Variants in PSMD3 observed in about 807,000 individuals in gnomAD.
The protein encoded by PSMD3 is 26S proteasome non-ATPase regulatory subunit 3.
Under a neutral mutation model 62.8 loss-of-function variants are expected in PSMD3, and 5 were observed. The ratio of observed to expected loss-of-function variants is 0.08; its 90% CI spans 0.04 to 0.17. The LOEUF (loss-of-function observed/expected upper bound fraction) is 0.17. PSMD3 is among the 10% of genes least tolerant of loss of function. PSMD3 has a pLI of 1.00. For synonymous variants in PSMD3, 265 were observed against 283.9 expected (o/e 0.93, Z 0.67); for missense variants, 524 against 713.6 (o/e 0.73, Z 3.03).
Position 39,995,185 on chromosome 17 carries a change from C to T in PSMD3, c.1106C>T (p.Thr369Ile). ...CCTGTTCTGCCTGCAGCTGTCAGGA[C>T]AGGAAACCTAGCCAAGTTCAACCAG... Reference protein sequence around the residue: ...PYFLLTQAVRTGNLAKFNQVL... With the variant: ...PYFLLTQAVRIGNLAKFNQVL... Residue 369 changes from threonine to isoleucine, a missense_variant, in exon 8 of 12, where the codon ACA becomes ATA. By Grantham distance (89) the Thr-to-Ile change is moderately conservative. This residue lies in a region of PSMD3 where 32 missense variants were observed against 85.4 expected (regional missense o/e 0.37). Coordinates refer to ENST00000264639, the MANE Select transcript of PSMD3 (RefSeq NM_002809.4). The surrounding 1 kb of genome is among the most constrained non-coding windows in gnomAD (Gnocchi z 4.1). 1 of 1,614,126 alleles carries T rather than the reference C, an allele frequency of 6.2e-7. No homozygotes were observed. Among genetic ancestry groups the T allele is most frequent in the Non-Finnish European group, 8.5e-7 (1 of 1,180,006 alleles).
At position 39,995,718 on chromosome 17, in the gene PSMD3, TGA is replaced by T; in HGVS notation, c.1320+193_1320+194del. ...GAGCATGGATGTGCATGTGAGTGTG[TGA>T]GTGTAGGTGTGTGCACATGTTGAGT... is the stretch of plus-strand genomic sequence containing the variant. On this transcript the variant is annotated intron_variant, in intron 9 of 11. Transcript: ENST00000264639. This position sits in a 1 kb window ranked among gnomAD's most constrained non-coding sequence, Gnocchi z 4.1. The T allele has an allele frequency of 3.2e-6, 2 of 617,740 alleles. No individual in the cohort carries two copies. The highest frequency in any genetic ancestry group is 2.6e-5 in the Admixed American group (1 of 38,308). 38.3% of individuals were successfully genotyped at this position (617,740 alleles called of 1,614,324 possible).
At chr17:39,993,053 A>T (rs1446524551) in intron 6 of PSMD3, 1 of 152,162 alleles carries the variant, frequency 6.6e-6, no homozygotes, top group African/African-American at 2.4e-5. Flanking sequence ...CGGCTTAAAC[A>T]ACCGAAATTG....
chr17:39,980,855 G>A lies in PSMD3; in HGVS notation c.-116G>A. On this transcript the variant is annotated 5_prime_UTR_variant, in exon 1 of 12. Transcript: ENST00000264639. ...GTTTGCAGCTGCTCCGTCATCGTGC[G>A]GCCCGACGCTATCTCGCGCTCGTGT... 1 of 940,988 alleles carries A rather than the reference G, an allele frequency of 1.1e-6. No individual in the cohort carries two copies. The highest frequency in any genetic ancestry group is 1.5e-6 in the Non-Finnish European group (1 of 664,000). The allele number at this position is 940,988 out of a possible 1,614,324, so 58.3% of individuals were successfully genotyped here. A position where few individuals can be genotyped will look rare whatever the true frequency, so the allele number is the denominator to read the frequency against.
chr17:39,987,793 G>C (rs1416387507), intron 3 of PSMD3, among the ~76,000 whole-genome samples: 1 of 152,092 alleles, frequency 6.6e-6, no homozygotes, highest in Non-Finnish European at 1.5e-5. Context: ...GTTTGTTTTT[G>C]AGATATAATT....
chr17:39,983,804 T>C (rs1023499038), intron 1 of PSMD3, among the ~76,000 whole-genome samples: 4 of 152,166 alleles, frequency 2.6e-5, no homozygotes, highest in African/African-American at 7.2e-5. Flanking sequence ...TGCCACTTGG[T>C]TATGTCTTAA....
chr17:39,986,106 G>GT (rs944489636), intron 2 of PSMD3, among the ~76,000 whole-genome samples: 2 of 151,976 alleles, frequency 1.3e-5, no homozygotes, highest in East Asian at 3.9e-4. Flanking sequence ...GACTTGTTTT[G>GT]TTTTTTTGAG....
intron 6 of PSMD3, 174 bp from the exon 7 acceptor site, chr17:39,994,780 A>G: frequency 1.6e-6 from 1 of 616,350 alleles, no homozygotes; most frequent in Non-Finnish European, 2.8e-6. Flanking sequence ...CCAAAGGCAG[A>G]GCTTGGATTC....
chr17:39,980,870 C>A lies in PSMD3; in HGVS notation c.-101C>A. 2.8e-6 allele frequency: 3 copies of A among 1,075,842 alleles called. No homozygotes were observed. The highest frequency in any genetic ancestry group is 3.8e-6 in the Non-Finnish European group (3 of 781,822). 66.6% of individuals were successfully genotyped at this position (1,075,842 alleles called of 1,614,324 possible). On this transcript the variant is annotated 5_prime_UTR_variant, in exon 1 of 12. Coordinates refer to ENST00000264639, the MANE Select transcript of PSMD3 (RefSeq NM_002809.4). ...GTCATCGTGCGGCCCGACGCTATCT[C>A]GCGCTCGTGTGCAGGCCCGGCTCGG...
rs1980753841 is a variant in PSMD3, at chr17:39,995,193, C to T, written c.1114C>T (p.Leu372=). The T allele has an allele frequency of 6.2e-7, 1 of 1,614,014 alleles. No homozygotes were observed. The highest frequency in any genetic ancestry group is 1.7e-5 in the Admixed American group (1 of 59,998). ...GCCTGCAGCTGTCAGGACAGGAAAC[C>T]TAGCCAAGTTCAACCAGGTCCTGGA... ...LLTQAVRTGN[L]AKFNQVLDQF... Residue 372 remains leucine (L), a synonymous_variant, in exon 8 of 12, where the codon CTA becomes TTA. Coordinates refer to ENST00000264639, the MANE Select transcript of PSMD3 (RefSeq NM_002809.4). The surrounding 1 kb of genome is among the most constrained non-coding windows in gnomAD (Gnocchi z 4.1).
chr17:39,997,127 G>A (rs765584098), intron 10 of PSMD3, among the ~76,000 whole-genome samples: 8 of 152,252 alleles, frequency 5.3e-5, no homozygotes, highest in African/African-American at 9.6e-5. Context: ...AGAGTTGGTC[G>A]TTTATTCCTC....
In PSMD3 at chr17:39,980,887, C is replaced by CCGGCT. The variant is rs1426404384; in HGVS notation, c.-77_-73dup. 3.7e-5 allele frequency: 47 copies of CCGGCT among 1,254,724 alleles called. No individual in the cohort carries two copies. The highest frequency in any genetic ancestry group is 4.5e-5 in the Non-Finnish European group (42 of 938,836). The allele number at this position is 1,254,724 out of a possible 1,614,324, so 77.7% of individuals were successfully genotyped here. A position where few individuals can be genotyped will look rare whatever the true frequency, so the allele number is the denominator to read the frequency against. On this transcript the variant is annotated 5_prime_UTR_variant, in exon 1 of 12. Coordinates refer to ENST00000264639, the MANE Select transcript of PSMD3 (RefSeq NM_002809.4). ...CGCTATCTCGCGCTCGTGTGCAGGC[C>CCGGCT]CGGCTCGGCTCCTGGTCCCCGGTGC... is the stretch of plus-strand genomic sequence containing the variant.
rs118093481 is a variant in PSMD3 at position 39,992,767 on chromosome 17, C to G, written c.982-2187C>G. Among the ~76,000 whole-genome samples, 7 of 131,212 alleles carry G rather than the reference C, an allele frequency of 5.3e-5. No homozygotes were observed. The East Asian group carries it at 1.7e-3, about 33-fold the overall frequency. The allele number at this position is 131,212 out of a possible 152,430, so 86.1% of individuals were successfully genotyped here. On this transcript the variant is annotated intron_variant, in intron 6 of 11. Transcript: ENST00000264639. ...AAAACCCCCAGCCCTGCTGCTTCCT[C>G]TCTCAGGCGGCCGTTCCTGTCTCCC...
Position 39,997,702 on chromosome 17 carries a change from G to T in PSMD3, c.*121G>T. 1.7e-6 allele frequency: 2 copies of T among 1,207,932 alleles called. No homozygotes were observed. Among genetic ancestry groups the T allele is most frequent in the Non-Finnish European group, 1.2e-6 (1 of 852,350 alleles). The allele number at this position is 1,207,932 out of a possible 1,614,324, so 74.8% of individuals were successfully genotyped here. A position where few individuals can be genotyped will look rare whatever the true frequency, so the allele number is the denominator to read the frequency against. On this transcript the variant is annotated 3_prime_UTR_variant, in exon 12 of 12. Coordinates refer to ENST00000264639, the MANE Select transcript of PSMD3 (RefSeq NM_002809.4). Reference sequence around the variant, plus strand: ...AGCTCATATGCTGCATTCGTGCAGGGGGTGGGGGTGCTGGGAGCCAGCCAC... The same window carrying T: ...AGCTCATATGCTGCATTCGTGCAGGTGGTGGGGGTGCTGGGAGCCAGCCAC...
At chr17:39,988,133 A>G (rs1164465050) in intron 3 of PSMD3, among the ~76,000 whole-genome samples, 1 of 152,144 alleles carries the variant, frequency 6.6e-6, no homozygotes, top group Non-Finnish European at 1.5e-5. Flanking sequence ...ACTACAATTG[A>G]GTGGGTTTTA....
chr17:39,984,251 T>A, intron 1 of PSMD3, 43 bp from the exon 2 acceptor site: 9 of 1,356,474 alleles, frequency 6.6e-6, no homozygotes, highest in Non-Finnish European at 7.2e-6. Flanking sequence ...GGTGGGGGAC[T>A]AGGAGTGAAA....
rs1330999030 is a variant in PSMD3, at chr17:39,995,613, G to A, written c.1320+86G>A. ...CAGGAGTGGGAGGAGTTTGGCCAAG[G>A]AGGGGAATAGGTAAAGCAATGGCAT... is the stretch of plus-strand genomic sequence containing the variant. On this transcript the variant is annotated intron_variant, in intron 9 of 11. Coordinates refer to ENST00000264639, the MANE Select transcript of PSMD3 (RefSeq NM_002809.4). This position sits in a 1 kb window ranked among gnomAD's most constrained non-coding sequence, Gnocchi z 4.1. 7.6e-7 allele frequency: 1 copy of A among 1,314,884 alleles called. No homozygotes were observed. The highest frequency in any genetic ancestry group is 1.5e-5 in the African/African-American group (1 of 68,702). The allele number at this position is 1,314,884 out of a possible 1,614,324, so 81.5% of individuals were successfully genotyped here. A position where few individuals can be genotyped will look rare whatever the true frequency, so the allele number is the denominator to read the frequency against.
At chr17:39,981,342 G>A in intron 1 of PSMD3, 152 bp downstream of exon 1, 1 of 1,333,712 alleles carries the variant, frequency 7.5e-7, no homozygotes, top group African/African-American at 1.5e-5. Context: ...CGACACTCCC[G>A]ACTCCAGGCC....
chr17:39,992,778 CCGT>C (rs766759531), intron 6 of PSMD3, among the ~76,000 whole-genome samples: 45,454 of 151,852 alleles, frequency 0.3, 8,132 homozygotes, highest in Middle Eastern at 0.49. Flanking sequence ...TCTCAGGCGG[CCGT>C]TCCTGTCTCC....
Position 39,995,659 on chromosome 17 carries a change from G to A in PSMD3, c.1320+132G>A, listed in dbSNP as rs928322988. ...GGCATAGTCATTTCAGGGCGTGCCC[G>A]TCATTTGCAGTGAAGCCAAGAAGTT... On this transcript the variant is annotated intron_variant, in intron 9 of 11. Coordinates refer to ENST00000264639, the MANE Select transcript of PSMD3 (RefSeq NM_002809.4). This position sits in a 1 kb window ranked among gnomAD's most constrained non-coding sequence, Gnocchi z 4.1. The A allele has an allele frequency of 2.2e-5, 19 of 858,442 alleles. No homozygotes were observed. Among genetic ancestry groups the A allele is most frequent in the East Asian group, 1.3e-4 (5 of 37,538 alleles). 53.2% of individuals were successfully genotyped at this position (858,442 alleles called of 1,614,324 possible).
Sources: allele counts gnomAD v4.1 joint callset (sites outside exome capture counted in the v4.1 genomes callset), GRCh38; gene constraint gnomAD v4.1.1; regional missense constraint gnomAD v4.1.1; non-coding constraint Gnocchi (gnomAD v3.1); transcripts MANE v1.5; gene names NCBI Gene and HGNC (gene_info 2026-07-23, HGNC 2026-07-21).